The following CNTNAP4 variants were observed in gnomAD, a reference collection of about 807,000 sequenced individuals.
CNTNAP4 encodes contactin-associated protein-like 4.
A neutral mutation model predicts 148.4 loss-of-function variants in CNTNAP4; 98 were observed. That is an observed-to-expected ratio of 0.66 (90% CI 0.56 to 0.78). The LOEUF is 0.78. Among genes scored for constraint, CNTNAP4 ranks in the 30% least tolerant of loss-of-function variants. CNTNAP4 has a pLI of 0.00. For missense variants in CNTNAP4, 1,935 were observed against 1,565.6 expected (o/e 1.24, Z -3.98); for synonymous variants, 730 against 565.1 (o/e 1.29, Z -4.14).
At chr16:76,340,148 C>G (rs1032337397) in intron 2 of CNTNAP4, among the ~76,000 whole-genome samples, 2 of 152,114 alleles carry the variant, frequency 1.3e-5, no homozygotes, top group Admixed American at 1.3e-4. Flanking sequence ...ACCATCCAAC[C>G]TGCTTTTACC....
At chr16:76,338,909 T>C (rs1964239926) in intron 2 of CNTNAP4, among the ~76,000 whole-genome samples, 1 of 152,198 alleles carries the variant, frequency 6.6e-6, no homozygotes, top group African/African-American at 2.4e-5. Context: ...AGAAGTGATC[T>C]CTGTTTATAG....
At chr16:76,410,176 T>C (rs1301736171) in intron 3 of CNTNAP4, among the ~76,000 whole-genome samples, 5 of 151,762 alleles carry the variant, frequency 3.3e-5, no homozygotes, top group African/African-American at 1.2e-4. Context: ...TTTCTCTTTA[T>C]GGAAAGGGCT....
intron 15 of CNTNAP4, among the ~76,000 whole-genome samples, chr16:76,513,730 A>C (rs957121183): frequency 6.6e-6 from 1 of 152,200 alleles, no homozygotes; most frequent in Non-Finnish European, 1.5e-5. Flanking sequence ...AAATGCAGGA[A>C]GTTATTAAGA....
chr16:76,293,130 C>CT (rs201112549), intron 1 of CNTNAP4, among the ~76,000 whole-genome samples: 2,189 of 147,676 alleles, frequency 0.015, 40 homozygotes, highest in East Asian at 0.048. Flanking sequence ...TTCTTTCTTT[C>CT]TTTTTTTTTT....
chr16:76,302,240 G>A (rs953837898), intron 1 of CNTNAP4, among the ~76,000 whole-genome samples: 4 of 152,150 alleles, frequency 2.6e-5, no homozygotes, highest in Non-Finnish European at 5.9e-5. Context: ...AGCAGGGCAA[G>A]TAGATCTGAC....
chr16:76,436,459 G>T (rs2079830087), intron 4 of CNTNAP4, among the ~76,000 whole-genome samples: 1 of 145,502 alleles, frequency 6.9e-6, no homozygotes, highest in Non-Finnish European at 1.5e-5. Context: ...CATGATAAGA[G>T]CTCATGTCTG....
At chr16:76,508,973 G>C (rs1274904708) in intron 15 of CNTNAP4, among the ~76,000 whole-genome samples, 1 of 95,192 alleles carries the variant, frequency 1.1e-5, no homozygotes, top group African/African-American at 2.6e-5. Context: ...GGATGGTCTC[G>C]ATCTCCTGAC....
chr16:76,323,728 G>T (rs1356226436), intron 2 of CNTNAP4, among the ~76,000 whole-genome samples: 1 of 152,016 alleles, frequency 6.6e-6, no homozygotes, highest in Admixed American at 6.6e-5. Flanking sequence ...CCAGCGTCTT[G>T]GTGCGTTTTC....
At chr16:76,328,865 A>T (rs1963256208) in intron 2 of CNTNAP4, among the ~76,000 whole-genome samples, 1 of 152,032 alleles carries the variant, frequency 6.6e-6, no homozygotes, top group Non-Finnish European at 1.5e-5. Context: ...GGCTGGTCTC[A>T]AACTCCTGAC....
Position 76,323,768 on chromosome 16 carries a change from C to T in CNTNAP4, c.196+7245C>T, listed in dbSNP as rs531664886. On this transcript the variant is annotated intron_variant, in intron 2 of 23. Coordinates refer to ENST00000611870, the MANE Select transcript of CNTNAP4 (RefSeq NM_033401.5). ...TTACCCTTTATCGTCCTTGTCTGCT[C>T]TATGGCCCACAGTCTTCAGCTCTAA... is the stretch of plus-strand genomic sequence containing the variant. 3.9e-5 allele frequency among the ~76,000 whole-genome samples: 6 copies of T among 152,278 alleles called. No homozygotes were observed. In the East Asian group the frequency reaches 9.7e-4, roughly 25 times the overall value.
chr16:76,309,973 G>C, intron 1 of CNTNAP4: 1 of 683,380 alleles, frequency 1.5e-6, no homozygotes, highest in Non-Finnish European at 2.7e-6. Flanking sequence ...CATGGAAACG[G>C]ACTAAAACAG....
chr16:76,408,505 C>G (rs939017183), intron 3 of CNTNAP4, among the ~76,000 whole-genome samples: 1 of 150,762 alleles, frequency 6.6e-6, no homozygotes. Context: ...AGCATCAACC[C>G]CATGGCCTTT....
rs1375581902 is a variant in CNTNAP4, at chr16:76,522,080, C to A, written c.2578C>A (p.Pro860Thr). The change falls in exon 17 of 24, where the codon CCT (proline) becomes ACT (threonine). Residue 860 changes from proline to threonine, a missense_variant. By Grantham distance (38) the Pro-to-Thr change is conservative. Transcript: ENST00000611870. ...TTTTTCATTTGATGTGGGGAATGGG[C>A]CTTTTGAAATCTCAGTGCAGTCACC... is the stretch of plus-strand genomic sequence containing the variant. ...VTFSFDVGNG[P>T]FEISVQSPTH... 2 of 1,613,888 alleles carry A rather than the reference C, an allele frequency of 1.2e-6. No individual in the cohort carries two copies. The highest frequency in any genetic ancestry group is 2.2e-5 in the East Asian group (1 of 44,884).
chr16:76,541,276 C>T (rs1011499432), intron 21 of CNTNAP4, among the ~76,000 whole-genome samples: 3 of 152,154 alleles, frequency 2.0e-5, no homozygotes, highest in Non-Finnish European at 2.9e-5. Flanking sequence ...TTGGCAGCCA[C>T]GCTTGCTCAG....
intron 10 of CNTNAP4, among the ~76,000 whole-genome samples, chr16:76,472,884 C>G (rs761856948): frequency 2.0e-5 from 3 of 152,166 alleles, no homozygotes; most frequent in Middle Eastern, 3.4e-3. Context: ...ATGAAACAAT[C>G]TGTACAACAA....
chr16:76,363,058 T>TAA (rs201897586), intron 3 of CNTNAP4, among the ~76,000 whole-genome samples: 61 of 144,032 alleles, frequency 4.2e-4, no homozygotes, highest in African/African-American at 1.4e-3. Flanking sequence ...CATGCTCTAT[T>TAA]AAAAAAAAAA....
At chr16:76,309,084 C>G (rs903397086) in intron 1 of CNTNAP4, among the ~76,000 whole-genome samples, 7 of 152,066 alleles carry the variant, frequency 4.6e-5, no homozygotes, top group African/African-American at 1.7e-4. Flanking sequence ...GGATTACAAG[C>G]ATGAGCGAGC....
chr16:76,419,041 GATGTGTAAGAGGAGCA>G (rs2079086247), intron 3 of CNTNAP4, among the ~76,000 whole-genome samples: 1 of 151,888 alleles, frequency 6.6e-6, no homozygotes, highest in Non-Finnish European at 1.5e-5. Context: ...GTGGTGGTTC[GATGTGTAAGAGGAGCA>G]ATGTTCTGTA....
At chr16:76,546,103 C>T (rs973325723) in intron 21 of CNTNAP4, among the ~76,000 whole-genome samples, 1 of 151,880 alleles carries the variant, frequency 6.6e-6, no homozygotes, top group Non-Finnish European at 1.5e-5. Context: ...CGATTAGGCA[C>T]TGATGATAAT....
Sources: gnomAD v4.1 joint callset for allele counts (sites outside exome capture counted in the v4.1 genomes callset) on GRCh38, gnomAD v4.1.1 for gene constraint, MANE v1.5 for transcripts, NCBI Gene and HGNC (gene_info 2026-07-23, HGNC 2026-07-21) for gene names.